The following SCARF1 variants were observed in gnomAD, a reference collection of about 807,000 sequenced individuals.
SCARF1 encodes the protein acetyl LDL receptor.
SCARF1 carries 49 observed loss-of-function variants against 76.3 expected under a neutral mutation model. The observed-to-expected ratio is 0.64, with a 90% CI of 0.51 to 0.81. The LOEUF (loss-of-function observed/expected upper bound fraction) is 0.81. Ranked by LOEUF, SCARF1 falls within the 40% of genes least tolerant of loss-of-function variation. SCARF1 has a pLI of 0.00. For synonymous variants in SCARF1, 495 were observed against 474.6 expected, an observed-to-expected ratio of 1.04 and a Z score of -0.56; for missense variants, 1,098 against 1,143.9, an observed-to-expected ratio of 0.96 and a Z score of 0.58.
chr17:1,645,169 G>T lies in SCARF1; in HGVS notation c.163+9C>A. On this transcript the variant is annotated intron_variant, in intron 2 of 10. Coordinates refer to ENST00000263071, the MANE Select transcript of SCARF1 (RefSeq NM_003693.4). The surrounding 1 kb of genome is among the most constrained non-coding windows in gnomAD (Gnocchi z 6.3). ...TCTCCTTGGCTGAGGGTCTGTCCTG[G>T]CTACTCACGGATGGTGCATTCTTGA... 1 of 1,613,860 alleles carries T rather than the reference G, an allele frequency of 6.2e-7. No homozygotes were observed. The highest frequency in any genetic ancestry group is 8.5e-7 in the Non-Finnish European group (1 of 1,179,946).
Position 1,643,920 on chromosome 17 carries a change from A to C in SCARF1, c.313T>G (p.Cys105Gly). Residue 105 changes from cysteine to glycine, a missense_variant, in exon 4 of 11, where the codon TGC becomes GGC. By Grantham distance (159) the Cys-to-Gly change is radical. Transcript: ENST00000263071. The stretch of plus-strand genomic sequence containing the variant: ...GGCTCGCACTGGCCGTGCGGGTGGC[A>C]GGGGCAGCTCTCACGGCAGTCGGGG... ...WGPDCRESCP[C>G]HPHGQCEPAT... 1 of 1,347,888 alleles carries C rather than the reference A, an allele frequency of 7.4e-7. No homozygotes were observed. The highest frequency in any genetic ancestry group is 1.5e-5 in the African/African-American group (1 of 65,736). The allele number at this position is 1,347,888 out of a possible 1,614,324, so 83.5% of individuals were successfully genotyped here.
chr17:1,638,696 C>A, intron 8 of SCARF1, 110 bp downstream of exon 8: 2 of 1,356,608 alleles, frequency 1.5e-6, no homozygotes, highest in East Asian at 2.8e-5. Flanking sequence ...TCACCTCTGA[C>A]CCACGTGGGC....
Position 1,643,949 on chromosome 17 carries a change from C to T in SCARF1, c.284G>A (p.Trp95Ter). 2.2e-6 allele frequency: 3 copies of T among 1,343,892 alleles called. No homozygotes were observed. Among genetic ancestry groups the T allele is most frequent in the Non-Finnish European group, 2.9e-6 (3 of 1,050,476 alleles). The allele number at this position is 1,343,892 out of a possible 1,614,324, so 83.2% of individuals were successfully genotyped here. ...HCSSRCPGQY[W>*]GPDCRESCPC... ...GCAGCTCTCACGGCAGTCGGGGCCC[C>T]AGTACTGGCCCGGGCAGCCTGCGGG... The change falls in exon 4 of 11, where the codon TGG (tryptophan) becomes TAG (stop). Residue 95 changes from tryptophan (W) to a stop codon, truncating the protein, a stop_gained. Coordinates refer to ENST00000263071, the MANE Select transcript of SCARF1 (RefSeq NM_003693.4). LOFTEE classifies it high-confidence loss of function.
At chr17:1,635,780 C>G (rs930780884) in intron 10 of SCARF1, among the ~76,000 whole-genome samples, 163 bp from the exon 11 acceptor site, 1 of 64,652 alleles carries the variant, frequency 1.5e-5, no homozygotes, top group Admixed American at 2.2e-4. Flanking sequence ...ACTGTTACTT[C>G]TACACTTTTT....
rs1323617167 is a variant in SCARF1 at position 1,634,833 on chromosome 17, C to T, written c.2418G>A (p.Lys806=). 4 of 1,613,792 alleles carry T rather than the reference C, an allele frequency of 2.5e-6. No individual in the cohort carries two copies. Among genetic ancestry groups the T allele is most frequent in the African/African-American group, 1.3e-5 (1 of 74,924 alleles). Residue 806 remains lysine (K), a synonymous_variant, in exon 11 of 11, where the codon AAG becomes AAA. Coordinates refer to ENST00000263071, the MANE Select transcript of SCARF1 (RefSeq NM_003693.4). ...GCGSPEQDPQ[K]QAEEERQEEP... ...CCTCCTGCCTTTCCTCTTCAGCCTG[C>T]TTCTGGGGATCCTGTTCTGGGGAGC...
chr17:1,638,767 G>T, intron 8 of SCARF1, 39 bp downstream of exon 8: 1 of 1,563,612 alleles, frequency 6.4e-7, no homozygotes, highest in Non-Finnish European at 8.7e-7. Flanking sequence ...CCCACCCTGT[G>T]GCCTGAGCTG....
chr17:1,637,096 A>T (rs1909641307), intron 8 of SCARF1, 34 bp from the exon 9 acceptor site: 3 of 1,605,758 alleles, frequency 1.9e-6, no homozygotes, highest in Non-Finnish European at 1.7e-6. Flanking sequence ...TGGTCAGTAC[A>T]TGAGACCCAC....
intron 8 of SCARF1, among the ~76,000 whole-genome samples, chr17:1,637,618 G>A (rs1332700224): frequency 1.3e-5 from 2 of 152,002 alleles, no homozygotes; most frequent in East Asian, 1.9e-4. Flanking sequence ...GATTACAGGC[G>A]TGCACCACCA....
chr17:1,638,496 C>G (rs1909760501), intron 8 of SCARF1: 3 of 216,860 alleles, frequency 1.4e-5, no homozygotes, highest in Middle Eastern at 3.1e-3. Context: ...GCCCATGCAA[C>G]TCAGAAACTT....
chr17:1,643,613 CGG>C lies in SCARF1; in HGVS notation c.618_619del (p.Arg207LeufsTer65). On this transcript the variant is annotated frameshift_variant, in exon 4 of 11. Transcript: ENST00000263071. LOFTEE classifies it high-confidence loss of function. ...CCACCAGCCCGGCCGGCAGGCGCAG[CGG>C]CCGGAGTCCTGCTCGCACGGGGAGC... The C allele has an allele frequency of 6.8e-7, 1 of 1,470,508 alleles. No homozygotes were observed. Among genetic ancestry groups the C allele is most frequent in the Non-Finnish European group, 8.9e-7 (1 of 1,118,184 alleles). 91.1% of individuals were successfully genotyped at this position (1,470,508 alleles called of 1,614,324 possible).
Position 1,640,142 on chromosome 17 carries a change from A to G in SCARF1, c.1011-102T>C. ...CCACGCTCCTGGACTCAAGGACCCA[A>G]CTGGCCACTCCTCAGCAGTGAAGCT... On this transcript the variant is annotated intron_variant, in intron 5 of 10. Transcript: ENST00000263071. This position sits in a 1 kb window ranked among gnomAD's most constrained non-coding sequence, Gnocchi z 4.7. 2.2e-6 allele frequency: 3 copies of G among 1,384,728 alleles called. No homozygotes were observed. Among genetic ancestry groups the G allele is most frequent in the South Asian group, 2.6e-5 (2 of 76,072 alleles). The allele number at this position is 1,384,728 out of a possible 1,614,324, so 85.8% of individuals were successfully genotyped here. A position where few individuals can be genotyped will look rare whatever the true frequency, so the allele number is the denominator to read the frequency against.
Position 1,643,435 on chromosome 17 carries a change from C to G in SCARF1, c.791+7G>C. 5 of 1,236,210 alleles carry G rather than the reference C, an allele frequency of 4.0e-6. No homozygotes were observed. The highest frequency in any genetic ancestry group is 3.3e-5 in the East Asian group (1 of 30,262). The allele number at this position is 1,236,210 out of a possible 1,614,324, so 76.6% of individuals were successfully genotyped here. On this transcript the variant is annotated splice_region_variant and intron_variant, in intron 4 of 10. Coordinates refer to ENST00000263071, the MANE Select transcript of SCARF1 (RefSeq NM_003693.4). ...CCAGCCCACCTGTCCCCGCCCCGCC[C>G]GCTCACCTGTGTGCGCACTGCACCC... is the stretch of plus-strand genomic sequence containing the variant.
intron 7 of SCARF1, among the ~76,000 whole-genome samples, chr17:1,639,156 G>A (rs1405500201): frequency 6.6e-6 from 1 of 152,176 alleles, no homozygotes; most frequent in Non-Finnish European, 1.5e-5. Flanking sequence ...GCAGGGGCGG[G>A]GGCTCTGTCA....
rs970966912 is a variant in SCARF1 at position 1,634,961 on chromosome 17, C to T, written c.2290G>A (p.Gly764Arg). The T allele has an allele frequency of 3.7e-6, 6 of 1,613,240 alleles. No individual in the cohort carries two copies. In the Middle Eastern group the frequency reaches 6.6e-4, roughly 178 times the overall value. Residue 764 changes from glycine (G) to arginine (R), a missense_variant, in exon 11 of 11, where the codon GGG becomes AGG. Physicochemically the swap from Gly to Arg is moderately radical, Grantham distance 125. Coordinates refer to ENST00000263071, the MANE Select transcript of SCARF1 (RefSeq NM_003693.4). ...CTGACTGCCATAGGCCCTGTGGCCC[C>T]AGGAAGCCCAGCTTTTGGGGCTGAG... ...PNSAPKAGLPGATGPMAVRPE... is the reference protein window; with the variant it reads ...PNSAPKAGLPRATGPMAVRPE...
In SCARF1 at chr17:1,634,287, G is replaced by C. The variant is rs1567659325; in HGVS notation, c.*471C>G. ...ACCTGTAGTCCCAGCTACTCGGGAG[G>C]CTGAGGCAGGAGAAGGGCGTGAACC... On this transcript the variant is annotated 3_prime_UTR_variant, in exon 11 of 11. Transcript: ENST00000263071. 1 of 219,934 alleles carries C rather than the reference G, an allele frequency of 4.5e-6. No homozygotes were observed. Among genetic ancestry groups the C allele is most frequent in the Non-Finnish European group, 8.8e-6 (1 of 113,756 alleles). 13.6% of individuals were successfully genotyped at this position (219,934 alleles called of 1,614,324 possible). A position where few individuals can be genotyped will look rare whatever the true frequency, so the allele number is the denominator to read the frequency against.
intron 4 of SCARF1, among the ~76,000 whole-genome samples, chr17:1,642,452 G>A (rs933396417): frequency 1.7e-4 from 26 of 150,658 alleles, no homozygotes; most frequent in African/African-American, 5.9e-4. Flanking sequence ...TTTTGTTCTC[G>A]CGATAGTTTA....
At position 1,634,871 on chromosome 17, in the gene SCARF1, C is replaced by T. The variant is rs768210816; in HGVS notation, c.2380G>A (p.Val794Ile). The T allele has an allele frequency of 1.2e-6, 2 of 1,614,068 alleles. No individual in the cohort carries two copies. The highest frequency in any genetic ancestry group is 2.2e-5 in the South Asian group (2 of 91,084). Residue 794 changes from valine (V) to isoleucine (I), a missense_variant, in exon 11 of 11, where the codon GTC (valine) becomes ATC (isoleucine). By Grantham distance (29) the Val-to-Ile change is conservative. Coordinates refer to ENST00000263071, the MANE Select transcript of SCARF1 (RefSeq NM_003693.4). ...TESSRRAQEP[V>I]SGCGSPEQDP... ...TGTTCTGGGGAGCCACAGCCAGAGA[C>T]TGGCTCCTGGGCTCTCCTTGAACTC...
In SCARF1 at chr17:1,644,975, G is replaced by C. The variant is rs1244963906; in HGVS notation, c.164-40C>G. ...ACCCAGGTTGGAAAGACGGGAGCAG[G>C]ACCAGGGGACACCCCTGCCCTCTCA... On this transcript the variant is annotated intron_variant, in intron 2 of 10. Coordinates refer to ENST00000263071, the MANE Select transcript of SCARF1 (RefSeq NM_003693.4). This position sits in a 1 kb window ranked among gnomAD's most constrained non-coding sequence, Gnocchi z 4.8. The C allele has an allele frequency of 6.3e-7, 1 of 1,597,328 alleles. No individual in the cohort carries two copies. The highest frequency in any genetic ancestry group is 8.5e-7 in the Non-Finnish European group (1 of 1,170,508).
chr17:1,635,550 A>AG lies in SCARF1; in HGVS notation c.1700dup (p.Glu568Ter). 1 of 1,612,148 alleles carries AG rather than the reference A, an allele frequency of 6.2e-7. No homozygotes were observed. The highest frequency in any genetic ancestry group is 8.5e-7 in the Non-Finnish European group (1 of 1,179,980). Reference sequence around the variant, plus strand: ...TGGCGAATGGCGTGGAGGCGTCCTCAGGGGGCGGGAAAGCACCTGCAGCCA... The same window carrying AG: ...TGGCGAATGGCGTGGAGGCGTCCTCAGGGGGGCGGGAAAGCACCTGCAGCCA... On this transcript the variant is annotated frameshift_variant, in exon 11 of 11. Coordinates refer to ENST00000263071, the MANE Select transcript of SCARF1 (RefSeq NM_003693.4). LOFTEE classifies it low-confidence loss of function (END_TRUNC).
Sources: gnomAD v4.1 joint callset for allele counts (sites outside exome capture counted in the v4.1 genomes callset) on GRCh38, gnomAD v4.1.1 for gene constraint, Gnocchi (gnomAD v3.1) non-coding constraint, MANE v1.5 for transcripts, NCBI Gene and HGNC (gene_info 2026-07-23, HGNC 2026-07-21) for gene names.